Variants in TCF12 observed in about 807,000 individuals in gnomAD.
The protein encoded by TCF12 is transcription factor 12.
In TCF12, 45 loss-of-function variants were observed where a neutral mutation model predicts 86.0. That is an observed-to-expected ratio of 0.52 (90% CI 0.41 to 0.67). TCF12 has a LOEUF of 0.67. Ranked by LOEUF, TCF12 falls within the 30% of genes least tolerant of loss-of-function variation. The probability of loss-of-function intolerance (pLI) is 0.00; values close to 1 mark genes in which losing one functional copy is unlikely to be tolerated. For missense variants in TCF12, 881 were observed against 859.9 expected (o/e 1.02, Z -0.31); for synonymous variants, 330 against 299.6 (o/e 1.10, Z -1.05).
intron 4 of TCF12, among the ~76,000 whole-genome samples, chr15:57,070,908 T>A (rs2069318746): frequency 6.6e-6 from 1 of 152,160 alleles, no homozygotes; most frequent in Non-Finnish European, 1.5e-5. Context: ...AGGCAACCTG[T>A]AGTTTCCTTC....
At chr15:56,992,971 A>G (rs1212535093) in intron 3 of TCF12, among the ~76,000 whole-genome samples, 1 of 152,216 alleles carries the variant, frequency 6.6e-6, no homozygotes, top group African/African-American at 2.4e-5. Context: ...CACTGAATGC[A>G]TCTATAAAAC....
At chr15:57,214,369 G>C (rs747143275) in intron 8 of TCF12, 2 of 152,158 alleles carry the variant, frequency 1.3e-5, no homozygotes, top group Non-Finnish European at 2.9e-5. Flanking sequence ...ACCTCAGAAA[G>C]AGATTTATTT....
At chr15:57,197,529 AT>A (rs1396975423) in intron 7 of TCF12, among the ~76,000 whole-genome samples, 10 of 151,838 alleles carry the variant, frequency 6.6e-5, no homozygotes, top group African/African-American at 2.4e-4. Context: ...GTATTGGTTC[AT>A]TTGCTGTCAT....
At chr15:57,263,063 A>G in intron 17 of TCF12, 49 bp from the exon 18 acceptor site, 1 of 1,561,528 alleles carries the variant, frequency 6.4e-7, no homozygotes, top group Non-Finnish European at 8.6e-7. Flanking sequence ...GCTGTAATTC[A>G]TATATGAGTC....
chr15:57,038,632 G>A (rs1486298641), intron 3 of TCF12, among the ~76,000 whole-genome samples: 1 of 151,962 alleles, frequency 6.6e-6, no homozygotes, highest in Admixed American at 6.6e-5. Flanking sequence ...TTAATTAGGA[G>A]AGGATAATAA....
intron 8 of TCF12, among the ~76,000 whole-genome samples, chr15:57,202,491 A>G (rs1214939342): frequency 1.4e-5 from 2 of 138,292 alleles, no homozygotes; most frequent in African/African-American, 5.5e-5. Flanking sequence ...GCTAGCGTGC[A>G]GTGGCATGAT....
chr15:56,929,200 G>A (rs2060141243), intron 3 of TCF12, among the ~76,000 whole-genome samples: 1 of 152,048 alleles, frequency 6.6e-6, no homozygotes, highest in African/African-American at 2.4e-5. Context: ...TGGAATGCTG[G>A]CCAATCCTTA....
chr15:57,188,380 TA>T (rs2056796565), intron 6 of TCF12, among the ~76,000 whole-genome samples: 1 of 152,182 alleles, frequency 6.6e-6, no homozygotes, highest in South Asian at 2.1e-4. Context: ...CACTTAATAT[TA>T]AGATGTCAGT....
intron 5 of TCF12, among the ~76,000 whole-genome samples, chr15:57,139,839 G>A (rs2052827515): frequency 6.6e-6 from 1 of 152,098 alleles, no homozygotes; most frequent in South Asian, 2.1e-4. Flanking sequence ...CCCTATAGAA[G>A]ATCTGGAAAT....
intron 5 of TCF12, among the ~76,000 whole-genome samples, chr15:57,106,589 T>C (rs187858869): frequency 5.0e-4 from 76 of 152,342 alleles, no homozygotes; most frequent in Non-Finnish European, 6.2e-4. Flanking sequence ...GTGCCTGTTA[T>C]TGCCATGTGC....
intron 12 of TCF12, among the ~76,000 whole-genome samples, chr15:57,242,031 T>C (rs2733323): frequency 2.0e-5 from 3 of 149,006 alleles, no homozygotes; most frequent in African/African-American, 7.6e-5. Context: ...GTGACTTGTA[T>C]AGTTTTGTTG....
chr15:56,943,323 A>G (rs1272710454), intron 3 of TCF12, among the ~76,000 whole-genome samples: 1 of 152,214 alleles, frequency 6.6e-6, no homozygotes, highest in African/African-American at 2.4e-5. Context: ...TTCTACATGC[A>G]TATGACTTAA....
At chr15:57,282,781 A>T (rs2152136797) in intron 20 of TCF12, among the ~76,000 whole-genome samples, 183 bp downstream of exon 20, 1 of 152,360 alleles carries the variant, frequency 6.6e-6, no homozygotes, top group Non-Finnish European at 1.5e-5. Context: ...GTGTCATTTT[A>T]TAGCAAATTG....
At position 57,286,781 on chromosome 15, in the gene TCF12, C is replaced by T. The variant is rs1477917310; in HGVS notation, c.*636C>T. 1 of 390,834 alleles carries T rather than the reference C, an allele frequency of 2.6e-6. No homozygotes were observed. The highest frequency in any genetic ancestry group is 5.0e-6 in the Non-Finnish European group (1 of 199,608). 24.2% of individuals were successfully genotyped at this position (390,834 alleles called of 1,614,324 possible). A position where few individuals can be genotyped will look rare whatever the true frequency, so the allele number is the denominator to read the frequency against. On this transcript the variant is annotated 3_prime_UTR_variant, in exon 21 of 21. Coordinates refer to ENST00000333725, the MANE Select transcript of TCF12 (RefSeq NM_207037.2). ...AAATATTACTTGGTATAGCATTTCT[C>T]TTGCTCTCATTTTTTGATTTATTTT... is the stretch of plus-strand genomic sequence containing the variant.
intron 5 of TCF12, among the ~76,000 whole-genome samples, chr15:57,100,133 G>A (rs995171129): frequency 6.6e-6 from 1 of 152,080 alleles, no homozygotes; most frequent in African/African-American, 2.4e-5. Flanking sequence ...CCCATTGTTT[G>A]TGTCTAGTTC....
Position 57,174,907 on chromosome 15 carries a change from T to C in TCF12, c.390+8441T>C, listed in dbSNP as rs1305479282. On this transcript the variant is annotated intron_variant, in intron 6 of 20. Transcript: ENST00000333725. ...TGTTAGTTCTTCCTAAATTGGGTTA[T>C]AGATTTCAAGGCCACCCTGGGCAAC... is the stretch of plus-strand genomic sequence containing the variant. Among the ~76,000 whole-genome samples, 3 of 152,098 alleles carry C rather than the reference T, an allele frequency of 2.0e-5. No individual in the cohort carries two copies. In the East Asian group the frequency reaches 5.8e-4, roughly 29 times the overall value.
intron 2 of TCF12, among the ~76,000 whole-genome samples, 195 bp from the exon 3 acceptor site, chr15:56,920,829 ATG>A (rs2059759209): frequency 6.6e-6 from 1 of 152,200 alleles, no homozygotes; most frequent in Admixed American, 6.5e-5. Context: ...TCAGAACAAA[ATG>A]TAACCATTAT....
At chr15:57,027,819 T>A (rs1426319526) in intron 3 of TCF12, among the ~76,000 whole-genome samples, 1 of 152,136 alleles carries the variant, frequency 6.6e-6, no homozygotes, top group Non-Finnish European at 1.5e-5. Context: ...TCATGAGATC[T>A]GATGGTTTTA....
chr15:57,240,437 C>G (rs1262883486), intron 12 of TCF12, among the ~76,000 whole-genome samples: 1 of 152,192 alleles, frequency 6.6e-6, no homozygotes, highest in Non-Finnish European at 1.5e-5. Flanking sequence ...CGATTTCTCA[C>G]TCATCCATCC....
Sources: gnomAD v4.1 joint callset for allele counts (sites outside exome capture counted in the v4.1 genomes callset) on GRCh38, gnomAD v4.1.1 for gene constraint, MANE v1.5 for transcripts, NCBI Gene and HGNC (gene_info 2026-07-23, HGNC 2026-07-21) for gene names.